KCNS3: variants seen among roughly 807,000 people sequenced by gnomAD.
KCNS3 encodes potassium voltage-gated channel modifier subfamily S member 3, also known as delayed-rectifier potassium channel regulatory subunit KCNS3.
In KCNS3, 13 loss-of-function variants were observed where a neutral mutation model predicts 31.0. The ratio of observed to expected loss-of-function variants is 0.42; its 90% confidence interval spans 0.27 to 0.67. The LOEUF (loss-of-function observed/expected upper bound fraction) is 0.67. KCNS3 is among the 30% of genes least tolerant of loss of function. KCNS3 has a pLI of 0.25. For missense variants in KCNS3, 545 were observed against 622.4 expected, an observed-to-expected ratio of 0.88 and a Z score of 1.32; for synonymous variants, 238 against 241.5, an observed-to-expected ratio of 0.99 and a Z score of 0.13.
intron 1 of KCNS3, among the ~76,000 whole-genome samples, chr2:17,883,758 A>G (rs1674695284): frequency 6.6e-6 from 1 of 151,864 alleles, no homozygotes; most frequent in Admixed American, 6.6e-5. Context: ...ATTACTGGGT[A>G]TATACCCAAA....
intron 2 of KCNS3, among the ~76,000 whole-genome samples, chr2:17,925,738 C>G (rs1662824727): frequency 6.6e-6 from 1 of 152,176 alleles, no homozygotes; most frequent in African/African-American, 2.4e-5. Context: ...GCTCCCTTGA[C>G]ACGTGGGGAT....
chr2:17,929,772 T>TGGGG (rs1662914403), intron 2 of KCNS3, among the ~76,000 whole-genome samples: 1 of 152,222 alleles, frequency 6.6e-6, no homozygotes, highest in Non-Finnish European at 1.5e-5. Flanking sequence ...GGGAAGTCTA[T>TGGGG]GTAGTGGAGA....
At chr2:17,892,724 G>T (rs1436331891) in intron 1 of KCNS3, among the ~76,000 whole-genome samples, 1 of 152,130 alleles carries the variant, frequency 6.6e-6, no homozygotes, top group Non-Finnish European at 1.5e-5. Flanking sequence ...TAGCCACCCA[G>T]CGAGTCTGCC....
intron 1 of KCNS3, among the ~76,000 whole-genome samples, chr2:17,880,464 G>A (rs1030451262): frequency 6.6e-6 from 1 of 152,138 alleles, no homozygotes; most frequent in Non-Finnish European, 1.5e-5. Context: ...TATGTTTGTC[G>A]TTTCTGAACT....
intron 2 of KCNS3, among the ~76,000 whole-genome samples, chr2:17,922,464 C>G (rs1290461848): frequency 6.6e-6 from 1 of 152,130 alleles, no homozygotes; most frequent in Non-Finnish European, 1.5e-5. Flanking sequence ...CTGCCTTGGC[C>G]ACCCAAAGTG....
intron 2 of KCNS3, among the ~76,000 whole-genome samples, chr2:17,926,951 T>C (rs1368873073): frequency 6.6e-6 from 1 of 152,246 alleles, no homozygotes; most frequent in Non-Finnish European, 1.5e-5. Context: ...TTCCCAAACC[T>C]TTATGCTCTG....
At chr2:17,884,734 G>A (rs1661586764) in intron 1 of KCNS3, among the ~76,000 whole-genome samples, 1 of 152,120 alleles carries the variant, frequency 6.6e-6, no homozygotes, top group African/African-American at 2.4e-5. Flanking sequence ...TAAATTAACA[G>A]ATATATACCT....
At chr2:17,897,262 A>C (rs1321517753) in intron 1 of KCNS3, among the ~76,000 whole-genome samples, 8 of 152,214 alleles carry the variant, frequency 5.3e-5, no homozygotes, top group Admixed American at 5.2e-4. Context: ...TCCATGGTGT[A>C]TATGTAGCAC....
chr2:17,880,136 G>A (rs1423461195), intron 1 of KCNS3, among the ~76,000 whole-genome samples: 3 of 152,196 alleles, frequency 2.0e-5, no homozygotes, highest in Non-Finnish European at 4.4e-5. Context: ...ACCTGCCCAG[G>A]TAAACAGGAA....
chr2:17,887,148 G>A (rs114086187), intron 1 of KCNS3, among the ~76,000 whole-genome samples: 2,791 of 146,022 alleles, frequency 0.019, 84 homozygotes, highest in African/African-American at 0.069. Flanking sequence ...TTATTTGGGT[G>A]CAGGTGGTAT....
chr2:17,913,107 C>T (rs146621076), intron 1 of KCNS3, among the ~76,000 whole-genome samples: 3 of 143,962 alleles, frequency 2.1e-5, no homozygotes, highest in African/African-American at 7.7e-5. Flanking sequence ...CCAATTATGG[C>T]AGTATGATTA....
Position 17,932,490 on chromosome 2 carries a change from G to C in KCNS3, c.*6G>C. ...AGAATTGCACAGCAAAATGAGCGGGGGTGTTTGTGCCTGTTTCTCTTATCC... is the reference window on the plus strand; with the variant it reads ...AGAATTGCACAGCAAAATGAGCGGGCGTGTTTGTGCCTGTTTCTCTTATCC... On this transcript the variant is annotated 3_prime_UTR_variant, in exon 3 of 3. Transcript: ENST00000304101. The C allele has an allele frequency of 6.2e-7, 1 of 1,600,234 alleles. No individual in the cohort carries two copies. The highest frequency in any genetic ancestry group is 8.5e-7 in the Non-Finnish European group (1 of 1,173,438).
At chr2:17,926,038 G>T (rs116801181) in intron 2 of KCNS3, among the ~76,000 whole-genome samples, 2,760 of 152,316 alleles carry the variant, frequency 0.018, 70 homozygotes, top group African/African-American at 0.061. Context: ...TTCCAAATGG[G>T]AGAAATAGGC....
At chr2:17,907,277 GCAAC>G (rs1167807162) in intron 1 of KCNS3, among the ~76,000 whole-genome samples, 2 of 152,136 alleles carry the variant, frequency 1.3e-5, no homozygotes, top group South Asian at 2.1e-4. Context: ...GACTAGGATT[GCAAC>G]CACTGGTTTC....
intron 2 of KCNS3, among the ~76,000 whole-genome samples, chr2:17,928,309 G>A (rs4832523): frequency 0.21 from 32,030 of 151,978 alleles, 3,930 homozygotes; most frequent in East Asian, 0.46. Flanking sequence ...CTCTGTCACC[G>A]AGGATGGAGT....
At position 17,932,105 on chromosome 2, in the gene KCNS3, T is replaced by C. The variant is rs148665556; in HGVS notation, c.1097T>C (p.Ile366Thr). 2.5e-6 allele frequency: 4 copies of C among 1,613,878 alleles called. No individual in the cohort carries two copies. The highest frequency in any genetic ancestry group is 3.4e-6 in the Non-Finnish European group (4 of 1,179,982). Residue 366 changes from isoleucine (I) to threonine (T), a missense_variant, in exon 3 of 3, where the codon ATC becomes ACC. By Grantham distance (89) the Ile-to-Thr change is moderately conservative. Coordinates refer to ENST00000304101, the MANE Select transcript of KCNS3 (RefSeq NM_002252.5). Reference sequence around the variant, plus strand: ...CCCATCTGCTGGTGGTGGGCCACCATCAGCATGACAACTGTGGGCTATGGA... The same window carrying C: ...CCCATCTGCTGGTGGTGGGCCACCACCAGCATGACAACTGTGGGCTATGGA... ...SIPICWWWAT[I>T]SMTTVGYGDT... is the part of the protein sequence containing the mutation.
At chr2:17,908,183 T>C (rs1043957942) in intron 1 of KCNS3, among the ~76,000 whole-genome samples, 3 of 152,216 alleles carry the variant, frequency 2.0e-5, no homozygotes, top group Admixed American at 6.5e-5. Context: ...TTCTCTAAAC[T>C]TCTCTTCTCA....
At chr2:17,878,231 T>G (rs1224312300), upstream of KCNS3, among the ~76,000 whole-genome samples, 1 of 152,098 alleles carries the variant, frequency 6.6e-6, no homozygotes, top group Non-Finnish European at 1.5e-5. Flanking sequence ...AAGTGTCGCT[T>G]GGGCCGCGAC....
rs1358941468 is a variant in KCNS3, at chr2:17,917,838, T to A, written c.-93T>A. 3.3e-5 allele frequency: 5 copies of A among 152,696 alleles called. No individual in the cohort carries two copies. Among genetic ancestry groups the A allele is most frequent in the Admixed American group, 6.5e-5 (1 of 15,278 alleles). The allele number at this position is 152,696 out of a possible 1,614,324, so 9.5% of individuals were successfully genotyped here. ...ATGATGGACGTCCCACCGGGCAGGATGAAGGCAGAGCGTGTGGCATCTCCA... is the reference window on the plus strand; with the variant it reads ...ATGATGGACGTCCCACCGGGCAGGAAGAAGGCAGAGCGTGTGGCATCTCCA... On this transcript the variant is annotated 5_prime_UTR_variant, in exon 2 of 3. It removes an upstream start codon present in the reference 5' UTR. Transcript: ENST00000304101.
Sources: allele counts gnomAD v4.1 joint callset (sites outside exome capture counted in the v4.1 genomes callset), GRCh38; gene constraint gnomAD v4.1.1; transcripts MANE v1.5; gene names NCBI Gene and HGNC (gene_info 2026-07-23, HGNC 2026-07-21).